DCDC1: variants seen among roughly 807,000 people sequenced by gnomAD.
DCDC1 encodes doublecortin domain containing 1.
In DCDC1, 200 loss-of-function variants were observed where a neutral mutation model predicts 178.3. That is an observed-to-expected ratio of 1.12 (90% CI 1.00 to 1.26). The LOEUF (loss-of-function observed/expected upper bound fraction) is 1.26, where lower values mean the gene tolerates loss of function less well. Among genes scored for constraint, DCDC1 ranks in the 50% most tolerant of loss-of-function variants. The pLI is 0.00. For synonymous variants in DCDC1, 690 were observed against 604.8 expected, an observed-to-expected ratio of 1.14 and a Z score of -2.07; for missense variants, 1,983 against 1,749.2, an observed-to-expected ratio of 1.13 and a Z score of -2.38.
At position 30,911,399 on chromosome 11, in the gene DCDC1, G is replaced by T. The variant is rs750721741; in HGVS notation, c.3675C>A (p.Asn1225Lys). 3 of 1,601,652 alleles carry T rather than the reference G, an allele frequency of 1.9e-6. No homozygotes were observed. The highest frequency in any genetic ancestry group is 8.5e-7 in the Non-Finnish European group (1 of 1,173,834). Residue 1225 changes from asparagine to lysine, a missense_variant, in exon 28 of 39, where the codon AAC becomes AAA. Asn to Lys is a moderately conservative substitution (Grantham distance 94). Transcript: ENST00000684477. ...EDSRTFHLVS[N>K]PDLVLAVSMT... ...TAGACACTGCCAGCACAAGGTCAGG[G>T]TTACTCACAAGGTGAAAGGTCCTTG... is the stretch of plus-strand genomic sequence containing the variant.
At chr11:31,328,926 G>GAA (rs1052855114) in intron 2 of DCDC1, among the ~76,000 whole-genome samples, 3 of 124,034 alleles carry the variant, frequency 2.4e-5, no homozygotes, top group Non-Finnish European at 4.9e-5. Context: ...ATACGTTACT[G>GAA]AAAAAGCACA....
At position 31,369,724 on chromosome 11, in the gene DCDC1, G is replaced by A. The variant is rs530856671; in HGVS notation, c.-152C>T. On this transcript the variant is annotated 5_prime_UTR_variant, in exon 1 of 39. Transcript: ENST00000684477. ...GTAGTAAACGCCACTCCATAGAAGCGGTGACCGGTTACCATAGAGACCGCG... is the reference window on the plus strand; with the variant it reads ...GTAGTAAACGCCACTCCATAGAAGCAGTGACCGGTTACCATAGAGACCGCG... 4.6e-5 allele frequency: 7 copies of A among 152,788 alleles called. No individual in the cohort carries two copies. The East Asian group carries it at 1.4e-3, about 30-fold the overall frequency. 9.5% of individuals were successfully genotyped at this position (152,788 alleles called of 1,614,324 possible).
chr11:31,072,513 T>C (rs1354035856), intron 18 of DCDC1, among the ~76,000 whole-genome samples: 1 of 152,158 alleles, frequency 6.6e-6, no homozygotes, highest in Non-Finnish European at 1.5e-5. Context: ...GATGTACTTA[T>C]GAAGATGTAC....
At chr11:31,269,488 TC>T (rs1318689632) in intron 7 of DCDC1, among the ~76,000 whole-genome samples, 2 of 151,792 alleles carry the variant, frequency 1.3e-5, no homozygotes, top group Admixed American at 1.3e-4. Context: ...GCTCAGGCAA[TC>T]CTACTAGGTC....
Position 31,100,867 on chromosome 11 carries a change from C to A in DCDC1, c.1983+1310G>T, listed in dbSNP as rs144502442. Among the ~76,000 whole-genome samples the A allele has an allele frequency of 2.7e-3, 413 of 152,158 alleles. 3 individuals carry two copies. The highest frequency in any genetic ancestry group is 4.2e-3 in the Non-Finnish European group (283 of 67,982). ...ATCTAATGATGAATACCAACAGGAT[C>A]AGATCTACAGTAAATAAATATTAAT... On this transcript the variant is annotated intron_variant, in intron 15 of 38. Transcript: ENST00000684477.
chr11:31,312,531 G>T (rs1948833169), intron 3 of DCDC1, among the ~76,000 whole-genome samples: 1 of 152,170 alleles, frequency 6.6e-6, no homozygotes, highest in Admixed American at 6.5e-5. Flanking sequence ...AAGTAAAGCA[G>T]ATGGCCCTCC....
chr11:31,101,581 T>G (rs1422976685), intron 15 of DCDC1, among the ~76,000 whole-genome samples: 1 of 152,118 alleles, frequency 6.6e-6, no homozygotes, highest in Non-Finnish European at 1.5e-5. Context: ...ATTATAGCTA[T>G]TAACAGTACA....
chr11:31,309,142 T>TG (rs1555173338), intron 3 of DCDC1, among the ~76,000 whole-genome samples: 4,364 of 148,018 alleles, frequency 0.029, 152 homozygotes, highest in African/African-American at 0.084. Flanking sequence ...AAATAGATGT[T>TG]TGTGTGTGTG....
intron 9 of DCDC1, among the ~76,000 whole-genome samples, chr11:31,217,287 A>C (rs1973706190): frequency 6.6e-6 from 1 of 152,216 alleles, no homozygotes; most frequent in Non-Finnish European, 1.5e-5. Context: ...TCTATTTGTA[A>C]GTATATACAA....
intron 9 of DCDC1, among the ~76,000 whole-genome samples, chr11:31,221,135 G>A (rs543568386): frequency 3.9e-5 from 6 of 152,028 alleles, no homozygotes; most frequent in Non-Finnish European, 8.8e-5. Context: ...TCTTGCATGC[G>A]AAACACACTT....
chr11:30,880,683 G>T (rs1206299530), intron 37 of DCDC1, among the ~76,000 whole-genome samples: 2 of 152,052 alleles, frequency 1.3e-5, no homozygotes, highest in Non-Finnish European at 2.9e-5. Context: ...ACAAATATAT[G>T]TCCTTTTCAA....
chr11:30,899,691 C>G, intron 33 of DCDC1, 49 bp from the exon 34 acceptor site: 1 of 1,262,622 alleles, frequency 7.9e-7, no homozygotes, highest in Non-Finnish European at 1.1e-6. Flanking sequence ...ATTTATCACG[C>G]GCACCAATAA....
At chr11:30,964,727 C>T (rs1198510959) in intron 20 of DCDC1, among the ~76,000 whole-genome samples, 1 of 152,090 alleles carries the variant, frequency 6.6e-6, no homozygotes, top group Non-Finnish European at 1.5e-5. Flanking sequence ...ACTTTTTCTG[C>T]TACAATCATT....
At chr11:31,166,065 T>C (rs1388981205) in intron 9 of DCDC1, among the ~76,000 whole-genome samples, 1 of 152,236 alleles carries the variant, frequency 6.6e-6, no homozygotes, top group Non-Finnish European at 1.5e-5. Flanking sequence ...ATTTAGTATC[T>C]ACTGTATTGT....
intron 27 of DCDC1, 138 bp from the exon 28 acceptor site, chr11:30,911,558 C>T: frequency 1.4e-6 from 1 of 695,820 alleles, no homozygotes; most frequent in South Asian, 1.7e-5. Context: ...AGAATTTCTC[C>T]CCTACAGTAA....
In DCDC1 at chr11:31,108,633, A is replaced by G. The variant is rs536116632; in HGVS notation, c.1587+1627T>C. On this transcript the variant is annotated intron_variant, in intron 12 of 38. Transcript: ENST00000684477. ...AAGAGGGATGCGAGGTAGACATGTG[A>G]TGTGAGCATCTGACCACTTAACCAA... Among the ~76,000 whole-genome samples, 3 of 152,320 alleles carry G rather than the reference A, an allele frequency of 2.0e-5. No individual in the cohort carries two copies. The South Asian group carries it at 6.2e-4, about 32-fold the overall frequency.
chr11:31,269,595 G>T (rs1254406675), intron 7 of DCDC1, among the ~76,000 whole-genome samples: 1 of 151,908 alleles, frequency 6.6e-6, no homozygotes, highest in African/African-American at 2.4e-5. Context: ...ATGTTGCCCA[G>T]GCTGGTCTCA....
intron 34 of DCDC1, among the ~76,000 whole-genome samples, chr11:30,897,260 T>C (rs1944297354): frequency 6.6e-6 from 1 of 152,138 alleles, no homozygotes. Flanking sequence ...TTTTAAACAG[T>C]GGTATTGTAG....
chr11:31,236,972 A>G (rs1976540602), intron 9 of DCDC1, among the ~76,000 whole-genome samples: 2 of 152,030 alleles, frequency 1.3e-5, no homozygotes, highest in South Asian at 4.1e-4. Context: ...AATTATTTTA[A>G]TTGACACAGG....
Sources: allele counts gnomAD v4.1 joint callset (sites outside exome capture counted in the v4.1 genomes callset), GRCh38; gene constraint gnomAD v4.1.1; transcripts MANE v1.5; gene names NCBI Gene and HGNC (gene_info 2026-07-23, HGNC 2026-07-21).